Variants in ADAM18 observed in about 807,000 individuals in gnomAD.
ADAM18 encodes the protein disintegrin and metalloproteinase domain-containing protein 18.
A neutral mutation model predicts 94.4 loss-of-function variants in ADAM18; 117 were observed. The observed-to-expected ratio is 1.24, with a 90% CI of 1.07 to 1.45. The LOEUF (loss-of-function observed/expected upper bound fraction) is 1.45, where lower values mean the gene tolerates loss of function less well. ADAM18 is among the 40% of genes most tolerant of loss of function. The pLI is 0.00. For missense variants in ADAM18, 936 were observed against 880.0 expected (o/e 1.06, Z -0.81); for synonymous variants, 327 against 291.6 (o/e 1.12, Z -1.24).
chr8:39,697,299 A>G (rs1585991014), intron 17 of ADAM18, among the ~76,000 whole-genome samples: 1 of 151,580 alleles, frequency 6.6e-6, no homozygotes, highest in African/African-American at 2.4e-5. Flanking sequence ...ATAAGACTAC[A>G]TTATCTGCAA....
intron 12 of ADAM18, among the ~76,000 whole-genome samples, chr8:39,655,071 C>T (rs1820648998): frequency 6.6e-6 from 1 of 151,600 alleles, no homozygotes; most frequent in Non-Finnish European, 1.5e-5. Flanking sequence ...CTTTTGTTCC[C>T]TCTGCTTTTA....
chr8:39,641,948 C>T (rs925372006), intron 10 of ADAM18, among the ~76,000 whole-genome samples: 1 of 152,102 alleles, frequency 6.6e-6, no homozygotes, highest in Non-Finnish European at 1.5e-5. Flanking sequence ...TTAGTAATAG[C>T]CACTCTTACT....
In ADAM18 at chr8:39,663,819, G is replaced by T; in HGVS notation, c.1255G>T (p.Asp419Tyr). Residue 419 changes from aspartate (D) to tyrosine (Y), a missense_variant, in exon 13 of 20, where the codon GAT (aspartate) becomes TAT (tyrosine). Coordinates refer to ENST00000265707, the MANE Select transcript of ADAM18 (RefSeq NM_014237.3). ...KNECQFKKCC[D>Y]YNTCKLKGSV... ...GGAATGTCAATTTAAGAAGTGCTGTGATTATAACACATGTAAACTGAAGGG... is the reference window on the plus strand; with the variant it reads ...GGAATGTCAATTTAAGAAGTGCTGTTATTATAACACATGTAAACTGAAGGG... 1 of 1,612,642 alleles carries T rather than the reference G, an allele frequency of 6.2e-7. No homozygotes were observed. The highest frequency in any genetic ancestry group is 8.5e-7 in the Non-Finnish European group (1 of 1,179,558).
At chr8:39,685,187 A>G (rs1821576879) in intron 16 of ADAM18, 1 of 152,288 alleles carries the variant, frequency 6.6e-6, no homozygotes, top group Non-Finnish European at 1.5e-5. Flanking sequence ...CATCTGGGGC[A>G]TCCTTTGAAG....
At chr8:39,599,639 TG>T (rs1197892656) in intron 2 of ADAM18, among the ~76,000 whole-genome samples, 1 of 152,160 alleles carries the variant, frequency 6.6e-6, no homozygotes, top group Non-Finnish European at 1.5e-5. Flanking sequence ...ACACAGATAT[TG>T]CTCATATATT....
chr8:39,722,904 A>G (rs971636963), intron 18 of ADAM18, among the ~76,000 whole-genome samples: 1 of 151,548 alleles, frequency 6.6e-6, no homozygotes, highest in African/African-American at 2.4e-5. Context: ...GTACAACTTT[A>G]TGGCACACAT....
intron 17 of ADAM18, among the ~76,000 whole-genome samples, chr8:39,694,852 T>A (rs1821878354): frequency 6.6e-6 from 1 of 151,526 alleles, no homozygotes. Context: ...TTTCAAAATA[T>A]GCGTCTTAAA....
At chr8:39,696,289 CT>C (rs1029580524) in intron 17 of ADAM18, among the ~76,000 whole-genome samples, 10 of 72,716 alleles carry the variant, frequency 1.4e-4, no homozygotes, top group Non-Finnish European at 2.3e-4. Context: ...ATATTAATTC[CT>C]TATCATATAT....
intron 12 of ADAM18, among the ~76,000 whole-genome samples, chr8:39,657,386 A>G (rs962224013): frequency 1.3e-5 from 2 of 151,964 alleles, no homozygotes; most frequent in African/African-American, 4.8e-5. Context: ...ATGTCAGCTC[A>G]CTCTAACCTC....
At chr8:39,632,913 C>T (rs1281506408) in intron 7 of ADAM18, among the ~76,000 whole-genome samples, 2 of 151,784 alleles carry the variant, frequency 1.3e-5, no homozygotes, top group East Asian at 3.9e-4. Flanking sequence ...TGAATGTGTC[C>T]CCTTCATAAT....
intron 18 of ADAM18, 86 bp from the exon 19 acceptor site, chr8:39,723,662 T>TAC (rs1822819963): frequency 3.0e-6 from 3 of 985,714 alleles, no homozygotes; most frequent in Middle Eastern, 3.5e-4. Flanking sequence ...TCATTATATA[T>TAC]ACACGTATAT....
At chr8:39,585,445 A>T in intron 2 of ADAM18, 93 bp downstream of exon 2, 3 of 891,016 alleles carry the variant, frequency 3.4e-6, no homozygotes, top group Non-Finnish European at 5.2e-6. Context: ...ATTTGTATTC[A>T]TTGCCAAATC....
In ADAM18 at chr8:39,680,164, A is replaced by G. The variant is rs1386421789; in HGVS notation, c.1759A>G (p.Met587Val). The G allele has an allele frequency of 2.5e-6, 4 of 1,613,864 alleles. No homozygotes were observed. In the South Asian group the frequency reaches 3.3e-5, roughly 13 times the overall value. ...VCVSIATGSS[M>V]RSDGTDNAYV... ...TGTATCTATAGCCACTGGTTCCTCC[A>G]TGAGATCAGATGGAACAGACAATGC... The change falls in exon 16 of 20, where the codon ATG (methionine) becomes GTG (valine). Residue 587 changes from methionine (M) to valine (V), a missense_variant. By Grantham distance (21) the Met-to-Val change is conservative. Coordinates refer to ENST00000265707, the MANE Select transcript of ADAM18 (RefSeq NM_014237.3).
intron 6 of ADAM18, among the ~76,000 whole-genome samples, chr8:39,617,387 G>A (rs951050167): frequency 2.6e-5 from 4 of 152,144 alleles, no homozygotes; most frequent in African/African-American, 9.7e-5. Flanking sequence ...CTTGTGCACT[G>A]CTGATGAGAA....
chr8:39,592,882 C>G (rs1162177252), intron 2 of ADAM18, among the ~76,000 whole-genome samples: 1 of 152,190 alleles, frequency 6.6e-6, no homozygotes, highest in Non-Finnish European at 1.5e-5. Flanking sequence ...ATGAAAGTCT[C>G]TAGCTGAGTC....
intron 4 of ADAM18, 74 bp from the exon 5 acceptor site, chr8:39,609,411 C>T (rs1023540844): frequency 2.3e-5 from 23 of 986,550 alleles, no homozygotes; most frequent in Non-Finnish European, 9.5e-6. Flanking sequence ...TATTTTGAAT[C>T]TTCTGACATG....
intron 17 of ADAM18, among the ~76,000 whole-genome samples, chr8:39,705,637 A>G (rs1822220991): frequency 6.6e-6 from 1 of 152,316 alleles, no homozygotes; most frequent in Admixed American, 6.5e-5. Flanking sequence ...ACATGGATAT[A>G]TAAAATAGAA....
intron 18 of ADAM18, among the ~76,000 whole-genome samples, chr8:39,718,488 G>A (rs1426524964): frequency 2.6e-5 from 4 of 151,542 alleles, no homozygotes; most frequent in African/African-American, 9.7e-5. Flanking sequence ...TTCCACGTAT[G>A]TGAAGTACCT....
At chr8:39,676,338 C>G (rs1821300149) in intron 14 of ADAM18, among the ~76,000 whole-genome samples, 3 of 152,232 alleles carry the variant, frequency 2.0e-5, no homozygotes, top group Admixed American at 6.5e-5. Flanking sequence ...TTTACCTACT[C>G]AAGCCTCAGC....
Sources: gnomAD v4.1 joint callset for allele counts (sites outside exome capture counted in the v4.1 genomes callset) on GRCh38, gnomAD v4.1.1 for gene constraint, MANE v1.5 for transcripts, NCBI Gene and HGNC (gene_info 2026-07-23, HGNC 2026-07-21) for gene names.